RASGRP1: variants seen among roughly 807,000 people sequenced by gnomAD.
RASGRP1 encodes the protein RAS guanyl releasing protein 1, also known as RAS guanyl-releasing protein 1.
A neutral mutation model predicts 95.1 loss-of-function variants in RASGRP1; 37 were observed. The ratio of observed to expected loss-of-function variants is 0.39; its 90% CI spans 0.30 to 0.51. The LOEUF is 0.51. Ranked by LOEUF, RASGRP1 falls within the 20% of genes least tolerant of loss-of-function variation. The pLI, the probability that RASGRP1 is intolerant of heterozygous loss-of-function variation, is 0.80. For missense variants in RASGRP1, 711 were observed against 965.4 expected, an observed-to-expected ratio of 0.74 and a Z score of 3.49; for synonymous variants, 325 against 353.4, an observed-to-expected ratio of 0.92 and a Z score of 0.90.
intron 3 of RASGRP1, among the ~76,000 whole-genome samples, chr15:38,522,082 T>A (rs1434416760): frequency 6.6e-6 from 1 of 152,152 alleles, no homozygotes; most frequent in Admixed American, 6.6e-5. Context: ...AATGCAACAT[T>A]TATTGTGTCC....
Position 38,511,709 on chromosome 15 carries a change from T to C in RASGRP1, c.861A>G (p.Gln287=), listed in dbSNP as rs1891523976. Residue 287 remains glutamine (Q), a synonymous_variant, in exon 8 of 17, where the codon CAA becomes CAG. Coordinates refer to ENST00000310803, the MANE Select transcript of RASGRP1 (RefSeq NM_005739.4). ...KFIQVAQKLH[Q]LQNFNTLMAV... is the part of the protein sequence containing the mutation. ...CCATCAGTGTATTGAAGTTCTGTAGTTGGTGGAGCTTCTGTGACACAGAAG... is the reference window on the plus strand; with the variant it reads ...CCATCAGTGTATTGAAGTTCTGTAGCTGGTGGAGCTTCTGTGACACAGAAG... 3.7e-6 allele frequency: 6 copies of C among 1,612,928 alleles called. No individual in the cohort carries two copies. The highest frequency in any genetic ancestry group is 4.2e-6 in the Non-Finnish European group (5 of 1,179,148).
Position 38,564,738 on chromosome 15 carries a change from AGCCCCGGCGCCC to A in RASGRP1, c.-122_-111del. 1 of 963,674 alleles carries A rather than the reference AGCCCCGGCGCCC, an allele frequency of 1.0e-6. No homozygotes were observed. The highest frequency in any genetic ancestry group is 1.3e-6 in the Non-Finnish European group (1 of 772,168). 59.7% of individuals were successfully genotyped at this position (963,674 alleles called of 1,614,324 possible). A position where few individuals can be genotyped will look rare whatever the true frequency, so the allele number is the denominator to read the frequency against. ...CGGCTCTCTCCCCCCCGGGCCTCGT[AGCCCCGGCGCCC>A]GCCAGCCCTCGAGCCCGGCGAGCCC... On this transcript the variant is annotated 5_prime_UTR_variant, in exon 1 of 17. Transcript: ENST00000310803.
chr15:38,559,834 G>A lies in RASGRP1; in HGVS notation c.207C>T (p.Cys69=). ...TAGCCAACTTACCAAAAGATTGAAT[G>A]CAGCTGTCAATGAGATCGTCCAGGC... ...GASLDDLIDS[C]IQSFDADGNL... The change falls in exon 2 of 17, where the codon TGC becomes TGT. Residue 69 remains cysteine, a synonymous_variant. Coordinates refer to ENST00000310803, the MANE Select transcript of RASGRP1 (RefSeq NM_005739.4). The A allele has an allele frequency of 1.9e-6, 3 of 1,613,748 alleles. No homozygotes were observed. The highest frequency in any genetic ancestry group is 2.5e-6 in the Non-Finnish European group (3 of 1,179,674).
chr15:38,521,956 T>C (rs1202759635), intron 3 of RASGRP1, among the ~76,000 whole-genome samples: 1 of 152,078 alleles, frequency 6.6e-6, no homozygotes, highest in African/African-American at 2.4e-5. Context: ...TATTATTTCA[T>C]ACTCTCAGAA....
intron 8 of RASGRP1, among the ~76,000 whole-genome samples, chr15:38,509,996 T>C (rs1484279943): frequency 6.6e-6 from 1 of 152,122 alleles, no homozygotes; most frequent in African/African-American, 2.4e-5. Context: ...TTCATAAACC[T>C]CTACCAATGG....
chr15:38,525,175 C>T (rs1186006306), intron 3 of RASGRP1, among the ~76,000 whole-genome samples: 1 of 151,966 alleles, frequency 6.6e-6, no homozygotes, highest in Non-Finnish European at 1.5e-5. Context: ...ACCATGTTGG[C>T]CAGGCTGGTC....
At chr15:38,521,182 C>T (rs1891986380) in intron 3 of RASGRP1, among the ~76,000 whole-genome samples, 1 of 152,150 alleles carries the variant, frequency 6.6e-6, no homozygotes, top group Non-Finnish European at 1.5e-5. Context: ...AAATGCATCA[C>T]TTCAATGCAA....
rs56254815 is a variant in RASGRP1 at position 38,500,229 on chromosome 15, A to G, written c.1684-90T>C. 0.075 allele frequency: 100,703 copies of G among 1,350,912 alleles called. 4,842 individuals are homozygous for G. Among genetic ancestry groups the G allele is most frequent in the East Asian group, 0.16 (6,990 of 43,398 alleles). The allele number at this position is 1,350,912 out of a possible 1,614,324, so 83.7% of individuals were successfully genotyped here. On this transcript the variant is annotated intron_variant, in intron 13 of 16. Coordinates refer to ENST00000310803, the MANE Select transcript of RASGRP1 (RefSeq NM_005739.4). The stretch of plus-strand genomic sequence containing the variant: ...ACATTCCTTTATTTTCCTTCATTTT[A>G]CTCTCTAGCTCAAGTGGGAAGGAAA...
intron 10 of RASGRP1, chr15:38,503,968 T>C (rs1891148066): frequency 6.6e-6 from 1 of 151,768 alleles, no homozygotes; most frequent in Non-Finnish European, 1.4e-5. Context: ...TGGTATAGCC[T>C]ACTGCTCCTA....
intron 2 of RASGRP1, among the ~76,000 whole-genome samples, chr15:38,559,306 C>A (rs182977578): frequency 2.0e-5 from 3 of 152,314 alleles, no homozygotes; most frequent in Non-Finnish European, 4.4e-5. Context: ...CTTGACCCTG[C>A]ATTGCAACAT....
chr15:38,541,983 G>C (rs1338520314), intron 2 of RASGRP1, among the ~76,000 whole-genome samples: 1 of 152,098 alleles, frequency 6.6e-6, no homozygotes, highest in African/African-American at 2.4e-5. Context: ...TAGACTAAGA[G>C]GCAGGTGAGA....
At chr15:38,524,902 G>C (rs956822787) in intron 3 of RASGRP1, among the ~76,000 whole-genome samples, 1 of 151,646 alleles carries the variant, frequency 6.6e-6, no homozygotes, top group East Asian at 1.9e-4. Flanking sequence ...AGGGAGGGGG[G>C]GTCTGCCCCA....
Position 38,510,210 on chromosome 15 carries a change from A to T in RASGRP1, c.966+1394T>A, listed in dbSNP as rs116488770. 4.9e-3 allele frequency among the ~76,000 whole-genome samples: 747 copies of T among 152,368 alleles called. 6 individuals carry two copies. Among genetic ancestry groups the T allele is most frequent in the African/African-American group, 0.017 (721 of 41,590 alleles). The stretch of plus-strand genomic sequence containing the variant: ...GAAGCACTGCTGTGGGGGGACCCCA[A>T]GCTGAAGAGGAGCAAGCTCTCTCTT... On this transcript the variant is annotated intron_variant, in intron 8 of 16. Transcript: ENST00000310803.
intron 6 of RASGRP1, among the ~76,000 whole-genome samples, chr15:38,515,237 G>A (rs534403675): frequency 9.2e-5 from 14 of 152,264 alleles, no homozygotes; most frequent in Non-Finnish European, 1.5e-4. Context: ...CAGCTGTGTC[G>A]ACCTTGTTCA....
intron 3 of RASGRP1, 117 bp downstream of exon 3, chr15:38,526,182 C>G (rs1316214376): frequency 2.6e-6 from 2 of 779,156 alleles, no homozygotes; most frequent in African/African-American, 3.5e-5. Flanking sequence ...GACATATGAA[C>G]CTATTTGCCA....
At chr15:38,533,242 G>A (rs1282655092) in intron 2 of RASGRP1, among the ~76,000 whole-genome samples, 2 of 152,168 alleles carry the variant, frequency 1.3e-5, no homozygotes, top group Non-Finnish European at 2.9e-5. Context: ...TAATGGGAAA[G>A]CTAGGATCAG....
At chr15:38,540,062 A>ACAC (rs1199824097) in intron 2 of RASGRP1, among the ~76,000 whole-genome samples, 1 of 152,058 alleles carries the variant, frequency 6.6e-6, no homozygotes, top group Non-Finnish European at 1.5e-5. Context: ...GACTATAGGC[A>ACAC]CACATCACCA....
chr15:38,538,596 T>A (rs1892750007), intron 2 of RASGRP1, among the ~76,000 whole-genome samples: 2 of 152,194 alleles, frequency 1.3e-5, no homozygotes, highest in Admixed American at 1.3e-4. Flanking sequence ...ATCTGACAGA[T>A]GAAGAAACTG....
chr15:38,538,239 G>A (rs1318573340), intron 2 of RASGRP1, among the ~76,000 whole-genome samples: 2 of 152,134 alleles, frequency 1.3e-5, no homozygotes, highest in East Asian at 3.9e-4. Flanking sequence ...ACTCTAGCCT[G>A]GGGGATAGAG....
Sources: allele counts gnomAD v4.1 joint callset (sites outside exome capture counted in the v4.1 genomes callset), GRCh38; gene constraint gnomAD v4.1.1; transcripts MANE v1.5; gene names NCBI Gene and HGNC (gene_info 2026-07-23, HGNC 2026-07-21).